The following CADPS2 variants were observed in gnomAD, a reference collection of about 807,000 sequenced individuals.
The protein encoded by CADPS2 is calcium dependent secretion activator 2, also known as calcium-dependent secretion activator 2.
CADPS2 carries 93 observed loss-of-function variants against 172.5 expected under a neutral mutation model. That is an observed-to-expected ratio of 0.54 (90% CI 0.46 to 0.64). The LOEUF (loss-of-function observed/expected upper bound fraction) is 0.64. Among genes scored for constraint, CADPS2 ranks in the 30% least tolerant of loss-of-function variants. The probability of loss-of-function intolerance (pLI) is 0.00; values close to 1 mark genes in which losing one functional copy is unlikely to be tolerated. For synonymous variants in CADPS2, 546 were observed against 555.2 expected, an observed-to-expected ratio of 0.98 and a Z score of 0.23; for missense variants, 1,420 against 1,565.9, an observed-to-expected ratio of 0.91 and a Z score of 1.57.
Position 122,811,069 on chromosome 7 carries a change from A to C in CADPS2, c.340-74001T>G, listed in dbSNP as rs575403842. Among the ~76,000 whole-genome samples the C allele has an allele frequency of 7.9e-4, 121 of 152,306 alleles. No homozygotes were observed. The Middle Eastern group carries it at 0.014, about 17-fold the overall frequency. On this transcript the variant is annotated intron_variant, in intron 1 of 29. Coordinates refer to ENST00000449022, the MANE Select transcript of CADPS2 (RefSeq NM_017954.11). ...CACGTTCTGATAAACACATGGAATG[A>C]GGGAAGAAAAGCATTTTCTAATAAA...
chr7:122,461,238 TA>T (rs1179459068), intron 14 of CADPS2, among the ~76,000 whole-genome samples: 1 of 152,076 alleles, frequency 6.6e-6, no homozygotes, highest in Non-Finnish European at 1.5e-5. Context: ...ATATAGAAGA[TA>T]AAATGCCTAG....
intron 14 of CADPS2, among the ~76,000 whole-genome samples, chr7:122,470,549 C>A (rs2055789925): frequency 6.6e-6 from 1 of 151,944 alleles, no homozygotes; most frequent in Non-Finnish European, 1.5e-5. Context: ...GGCTGGAGTG[C>A]AGTGGCATGA....
At chr7:122,544,157 G>C (rs749191431) in intron 8 of CADPS2, among the ~76,000 whole-genome samples, 1 of 150,928 alleles carries the variant, frequency 6.6e-6, no homozygotes, top group African/African-American at 2.5e-5. Flanking sequence ...ACATGAAATA[G>C]CAAGAATCTT....
chr7:122,440,697 T>C (rs909212517), intron 16 of CADPS2, among the ~76,000 whole-genome samples: 1 of 152,110 alleles, frequency 6.6e-6, no homozygotes, highest in African/African-American at 2.4e-5. Context: ...CTAAAATTAA[T>C]TCAGCAGAAA....
intron 8 of CADPS2, 85 bp downstream of exon 8, chr7:122,554,465 C>A: frequency 7.7e-7 from 1 of 1,300,272 alleles, no homozygotes; most frequent in South Asian, 1.5e-5. Context: ...GCCTGCTATA[C>A]TGGTTCTCTC....
At chr7:122,367,281 TGAGA>T (rs1186751848) in intron 25 of CADPS2, among the ~76,000 whole-genome samples, 1 of 151,788 alleles carries the variant, frequency 6.6e-6, no homozygotes, top group Non-Finnish European at 1.5e-5. Flanking sequence ...TTCTAAGTTA[TGAGA>T]GAGAGAAAGC....
intron 1 of CADPS2, among the ~76,000 whole-genome samples, chr7:122,774,892 T>C (rs954150707): frequency 1.3e-5 from 2 of 152,176 alleles, no homozygotes; most frequent in African/African-American, 2.4e-5. Context: ...CATATCTATA[T>C]CCACAAATAA....
intron 1 of CADPS2, among the ~76,000 whole-genome samples, chr7:122,751,178 T>A (rs2092938797): frequency 6.6e-6 from 1 of 152,156 alleles, no homozygotes. Flanking sequence ...AGGGTCTGCC[T>A]ATGTTGCCCA....
intron 1 of CADPS2, among the ~76,000 whole-genome samples, chr7:122,738,853 G>GAA (rs11480750): frequency 0.013 from 1,693 of 131,426 alleles, 21 homozygotes; most frequent in African/African-American, 0.019. Context: ...CCCAGGGGGG[G>GAA]AAAAAAAAAA....
intron 1 of CADPS2, among the ~76,000 whole-genome samples, chr7:122,751,793 G>A (rs1405047868): frequency 1.3e-5 from 2 of 152,108 alleles, no homozygotes. Context: ...AGGCTGCTAC[G>A]CAGTGAAATG....
chr7:122,763,801 A>T (rs997507864), intron 1 of CADPS2, among the ~76,000 whole-genome samples: 1 of 152,140 alleles, frequency 6.6e-6, no homozygotes, highest in African/African-American at 2.4e-5. Context: ...CAAATTATGA[A>T]AGCAGAAACA....
chr7:122,323,848 T>A (rs1218006659), intron 29 of CADPS2, among the ~76,000 whole-genome samples: 2 of 146,844 alleles, frequency 1.4e-5, no homozygotes, highest in Non-Finnish European at 3.0e-5. Flanking sequence ...TGTATATATA[T>A]GCATATTATA....
At chr7:122,473,674 T>C (rs1234780087) in intron 13 of CADPS2, among the ~76,000 whole-genome samples, 1 of 152,178 alleles carries the variant, frequency 6.6e-6, no homozygotes, top group Non-Finnish European at 1.5e-5. Context: ...CTATTGACAA[T>C]GTAAATGCTT....
intron 4 of CADPS2, among the ~76,000 whole-genome samples, chr7:122,624,116 A>C (rs2075855540): frequency 6.6e-6 from 1 of 152,210 alleles, no homozygotes; most frequent in African/African-American, 2.4e-5. Flanking sequence ...GTTTATTGAT[A>C]ATATTTCATT....
At chr7:122,748,129 A>C (rs957241065) in intron 1 of CADPS2, among the ~76,000 whole-genome samples, 4 of 152,176 alleles carry the variant, frequency 2.6e-5, no homozygotes, top group Non-Finnish European at 4.4e-5. Flanking sequence ...TACTTTTTGA[A>C]GAATATATCT....
chr7:122,797,893 T>C (rs1029609043), intron 1 of CADPS2, among the ~76,000 whole-genome samples: 1 of 152,140 alleles, frequency 6.6e-6, no homozygotes, highest in African/African-American at 2.4e-5. Context: ...TAAAAATATT[T>C]CATCATATGA....
intron 1 of CADPS2, among the ~76,000 whole-genome samples, chr7:122,761,849 T>A (rs2093391169): frequency 1.4e-5 from 2 of 138,414 alleles, no homozygotes; most frequent in African/African-American, 2.8e-5. Context: ...AAAAAAAAAA[T>A]TAGCCGGGTG....
At position 122,457,804 on chromosome 7, in the gene CADPS2, T is replaced by A. The variant is rs557599653; in HGVS notation, c.2187-6329A>T. ...ATGTGAGGGATAAATGTGTTTATAA[T>A]CCCTAGGCTTTATAATCTCTAGGAC... On this transcript the variant is annotated intron_variant, in intron 14 of 29. Coordinates refer to ENST00000449022, the MANE Select transcript of CADPS2 (RefSeq NM_017954.11). Among the ~76,000 whole-genome samples the A allele has an allele frequency of 7.2e-5, 11 of 152,330 alleles. No individual in the cohort carries two copies. In the South Asian group the frequency reaches 1.4e-3, roughly 20 times the overall value.
chr7:122,346,993 A>G (rs957906789), intron 27 of CADPS2, among the ~76,000 whole-genome samples: 1 of 152,200 alleles, frequency 6.6e-6, no homozygotes, highest in Non-Finnish European at 1.5e-5. Context: ...TCTGCTACCA[A>G]TTTGATAGGT....
Sources: gnomAD v4.1 joint callset for allele counts (sites outside exome capture counted in the v4.1 genomes callset) on GRCh38, gnomAD v4.1.1 for gene constraint, MANE v1.5 for transcripts, NCBI Gene and HGNC (gene_info 2026-07-23, HGNC 2026-07-21) for gene names.